CDK13: variants seen among roughly 807,000 people sequenced by gnomAD.
The protein encoded by CDK13 is cyclin dependent kinase 13.
Under a neutral mutation model 137.6 loss-of-function variants are expected in CDK13, and 40 were observed. The ratio of observed to expected loss-of-function variants is 0.29; its 90% CI spans 0.23 to 0.38. CDK13 has a LOEUF of 0.38. Ranked by LOEUF, CDK13 falls within the 10% of genes least tolerant of loss-of-function variation. The pLI is 1.00. For missense variants in CDK13, 1,704 were observed against 1,951.8 expected (o/e 0.87, Z 2.39); for synonymous variants, 869 against 760.1 (o/e 1.14, Z -2.36).
At chr7:40,053,966 A>G (rs1785954179) in intron 7 of CDK13, among the ~76,000 whole-genome samples, 1 of 152,166 alleles carries the variant, frequency 6.6e-6, no homozygotes, top group South Asian at 2.1e-4. Context: ...ACAACCAATA[A>G]GTAGTAGAGC....
intron 1 of CDK13, among the ~76,000 whole-genome samples, chr7:39,966,771 G>A (rs1331838900): frequency 6.6e-6 from 1 of 152,144 alleles, no homozygotes; most frequent in Non-Finnish European, 1.5e-5. Flanking sequence ...TGATGATGGT[G>A]ATGTACAGAT....
At chr7:39,959,783 ATT>A (rs149489025) in intron 1 of CDK13, among the ~76,000 whole-genome samples, 18 of 133,370 alleles carry the variant, frequency 1.3e-4, no homozygotes, top group Admixed American at 1.5e-4. Flanking sequence ...TAATTTCTTG[ATT>A]TTTTTTTTTT....
intron 5 of CDK13, among the ~76,000 whole-genome samples, chr7:40,030,524 C>T (rs1421819967): frequency 6.8e-6 from 1 of 147,250 alleles, no homozygotes; most frequent in Non-Finnish European, 1.5e-5. Context: ...CCTCAGCCTC[C>T]TGAGCAGCTG....
chr7:39,959,859 G>A (rs1414959755), intron 1 of CDK13, among the ~76,000 whole-genome samples: 2 of 146,976 alleles, frequency 1.4e-5, no homozygotes, highest in East Asian at 2.0e-4. Context: ...TTTTTTTTGC[G>A]GCATTAGCAA....
chr7:39,968,309 C>T (rs536246724), intron 1 of CDK13, among the ~76,000 whole-genome samples: 1 of 152,314 alleles, frequency 6.6e-6, no homozygotes, highest in East Asian at 1.9e-4. Flanking sequence ...TTTGCCCAAA[C>T]TAATGTCATG....
chr7:40,017,456 T>C (rs1785026840), intron 5 of CDK13, among the ~76,000 whole-genome samples: 1 of 152,150 alleles, frequency 6.6e-6, no homozygotes, highest in South Asian at 2.1e-4. Flanking sequence ...TGAAGCACAG[T>C]ATATTATTGA....
In CDK13 at chr7:39,987,678, T is replaced by C; in HGVS notation, c.1291T>C (p.Ser431Pro). 1.2e-6 allele frequency: 2 copies of C among 1,613,768 alleles called. No individual in the cohort carries two copies. Among genetic ancestry groups the C allele is most frequent in the Non-Finnish European group, 1.7e-6 (2 of 1,179,958 alleles). ...TCGTAGCAGGCACAGATTGTCTAGA[T>C]CCAGAAGTCGTCATTCTAGTATTTC... ...RSRSRHRLSRSRSRHSSISPS... is the reference protein window; with the variant it reads ...RSRSRHRLSRPRSRHSSISPS... Residue 431 changes from serine to proline, a missense_variant, in exon 2 of 14, where the codon TCC (serine) becomes CCC (proline). Coordinates refer to ENST00000181839, the MANE Select transcript of CDK13 (RefSeq NM_003718.5).
At chr7:39,982,000 C>CT (rs1211408746) in intron 1 of CDK13, among the ~76,000 whole-genome samples, 1 of 148,980 alleles carries the variant, frequency 6.7e-6, no homozygotes, top group Non-Finnish European at 1.5e-5. Flanking sequence ...CTTTTTTCTT[C>CT]TTTTTTTCTT....
At chr7:40,007,355 G>T (rs1434056474) in intron 5 of CDK13, among the ~76,000 whole-genome samples, 1 of 152,178 alleles carries the variant, frequency 6.6e-6, no homozygotes, top group Non-Finnish European at 1.5e-5. Context: ...AGTGTTAGGT[G>T]CTCCTGTATA....
chr7:40,008,129 T>C (rs1784830238), intron 5 of CDK13, among the ~76,000 whole-genome samples: 2 of 152,228 alleles, frequency 1.3e-5, no homozygotes, highest in African/African-American at 4.8e-5. Context: ...CAACATTGAT[T>C]TGTTCATTCT....
rs761211203 is a variant in CDK13 at position 40,045,733 on chromosome 7, A to G, written c.2354-103A>G. ...AGTAACAAAGTAACACTTCTTTTCA[A>G]GGATTAATTCTTCCTCTACCAGCCT... On this transcript the variant is annotated intron_variant, in intron 5 of 13. Coordinates refer to ENST00000181839, the MANE Select transcript of CDK13 (RefSeq NM_003718.5). The G allele has an allele frequency of 3.6e-4, 254 of 708,042 alleles. No individual in the cohort carries two copies. Among genetic ancestry groups the G allele is most frequent in the Middle Eastern group, 2.0e-3 (5 of 2,476 alleles). 43.9% of individuals were successfully genotyped at this position (708,042 alleles called of 1,614,324 possible). A position where few individuals can be genotyped will look rare whatever the true frequency, so the allele number is the denominator to read the frequency against.
chr7:39,950,520 C>T lies in CDK13; in HGVS notation c.-122C>T, dbSNP rs1787113967. On this transcript the variant is annotated 5_prime_UTR_variant, in exon 1 of 14. Coordinates refer to ENST00000181839, the MANE Select transcript of CDK13 (RefSeq NM_003718.5). The stretch of plus-strand genomic sequence containing the variant: ...GACCCGGATTATCGTGGCGCTTTTC[C>T]CGGCCGGCTCTGGTGCTCGGTGTCC... 3 of 1,266,726 alleles carry T rather than the reference C, an allele frequency of 2.4e-6. No individual in the cohort carries two copies. In the East Asian group the frequency reaches 9.5e-5, roughly 40 times the overall value. The allele number at this position is 1,266,726 out of a possible 1,614,324, so 78.5% of individuals were successfully genotyped here.
intron 12 of CDK13, among the ~76,000 whole-genome samples, chr7:40,091,121 G>A (rs987654118): frequency 4.4e-4 from 66 of 151,676 alleles, no homozygotes; most frequent in African/African-American, 1.3e-3. Context: ...TGAGGCGGGC[G>A]GATCATGAGG....
chr7:40,086,144 T>C (rs1472044585), intron 11 of CDK13, among the ~76,000 whole-genome samples: 2 of 152,234 alleles, frequency 1.3e-5, no homozygotes, highest in African/African-American at 2.4e-5. Flanking sequence ...TAAACTAATA[T>C]TGCTAAGATT....
intron 7 of CDK13, among the ~76,000 whole-genome samples, chr7:40,052,793 A>G (rs187657519): frequency 6.6e-4 from 101 of 152,300 alleles, no homozygotes; most frequent in African/African-American, 1.3e-3. Context: ...TATGTTCCCT[A>G]AAACATTGAC....
intron 1 of CDK13, among the ~76,000 whole-genome samples, chr7:39,969,831 C>G (rs1244112592): frequency 1.3e-5 from 2 of 152,044 alleles, no homozygotes; most frequent in African/African-American, 4.8e-5. Context: ...TCAAAATGTT[C>G]ATTCTTCATG....
intron 7 of CDK13, among the ~76,000 whole-genome samples, chr7:40,050,007 T>C (rs1250240094): frequency 6.6e-6 from 1 of 152,012 alleles, no homozygotes; most frequent in African/African-American, 2.4e-5. Flanking sequence ...TGAGACAGAG[T>C]CTCACTCTGT....
chr7:40,023,353 C>T (rs1178909434), intron 5 of CDK13, among the ~76,000 whole-genome samples: 2 of 152,080 alleles, frequency 1.3e-5, no homozygotes, highest in Admixed American at 6.6e-5. Context: ...GCATGAGCCA[C>T]CGTGCCCTGC....
chr7:40,033,478 A>C (rs773402), intron 5 of CDK13, among the ~76,000 whole-genome samples: 75,376 of 152,042 alleles, frequency 0.5, 19,561 homozygotes, highest in East Asian at 0.66. Flanking sequence ...AGTCAGAGAT[A>C]GTACGTGGTG....
Sources: allele counts gnomAD v4.1 joint callset (sites outside exome capture counted in the v4.1 genomes callset), GRCh38; gene constraint gnomAD v4.1.1; transcripts MANE v1.5; gene names NCBI Gene and HGNC (gene_info 2026-07-23, HGNC 2026-07-21).